The following LRPAP1 variants were observed in gnomAD, a reference collection of about 807,000 sequenced individuals.
LRPAP1 encodes the protein alpha-2-macroglobulin receptor-associated protein.
In LRPAP1, 41 loss-of-function variants were observed where a neutral mutation model predicts 39.9. That is an observed-to-expected ratio of 1.03 (90% CI 0.80 to 1.33). The LOEUF (loss-of-function observed/expected upper bound fraction) is 1.33, where lower values mean the gene tolerates loss of function less well. LRPAP1 is among the 40% of genes most tolerant of loss of function. The pLI is 0.00. For missense variants in LRPAP1, 565 were observed against 482.3 expected, an observed-to-expected ratio of 1.17 and a Z score of -1.61; for synonymous variants, 263 against 212.7, an observed-to-expected ratio of 1.24 and a Z score of -2.06.
rs544306338 is a variant in LRPAP1 at position 3,504,855 on chromosome 4, G to A, written c.*8119C>T. On this transcript the variant is annotated 3_prime_UTR_variant, in exon 8 of 8. Coordinates refer to ENST00000650182, the MANE Select transcript of LRPAP1 (RefSeq NM_002337.4). ...CCAGCTACTTGGGAGGCTGAGGCAG[G>A]GGAATCGCATGAACCTGGGAGGCAG... is the stretch of plus-strand genomic sequence containing the variant. Among the ~76,000 whole-genome samples the A allele has an allele frequency of 2.4e-4, 36 of 152,290 alleles. 1 individual carries two copies. Among genetic ancestry groups the A allele is most frequent in the African/African-American group, 7.9e-4 (33 of 41,538 alleles).
intron 3 of LRPAP1, 98 bp downstream of exon 3, chr4:3,519,974 G>T: frequency 7.0e-7 from 1 of 1,437,606 alleles, no homozygotes; most frequent in Non-Finnish European, 9.4e-7. Flanking sequence ...CCAAACCCCG[G>T]CTCCCATGCA....
At chr4:3,520,509 G>A (rs796942249) in intron 2 of LRPAP1, among the ~76,000 whole-genome samples, 46 of 152,310 alleles carry the variant, frequency 3.0e-4, no homozygotes, top group African/African-American at 1.1e-3. Flanking sequence ...CGCAGCTGTC[G>A]AAAGCAGCTG....
intron 1 of LRPAP1, among the ~76,000 whole-genome samples, chr4:3,525,602 G>A (rs1577210833): frequency 6.6e-6 from 1 of 152,146 alleles, no homozygotes; most frequent in East Asian, 1.9e-4. Flanking sequence ...GCAGGAATCT[G>A]TCACCCTCTC....
chr4:3,529,499 T>G (rs1334763591), intron 1 of LRPAP1, among the ~76,000 whole-genome samples: 3 of 152,148 alleles, frequency 2.0e-5, no homozygotes, highest in Non-Finnish European at 4.4e-5. Flanking sequence ...CACAGAGCTC[T>G]GAAGAGGCAG....
Position 3,520,191 on chromosome 4 carries a change from T to C in LRPAP1, c.352A>G (p.Ile118Val), listed in dbSNP as rs1431536790. The change falls in exon 3 of 8, where the codon ATC (isoleucine) becomes GTC (valine). Residue 118 changes from isoleucine to valine, a missense_variant and splice_region_variant. Coordinates refer to ENST00000650182, the MANE Select transcript of LRPAP1 (RefSeq NM_002337.4). ...EARLIRNLNV[I>V]LAKYGLDGKK... ...CCGTCCAGACCATACTTGGCCAAGATGACTAGGAGAGAGGGGAGGTTCTAT... is the reference window on the plus strand; with the variant it reads ...CCGTCCAGACCATACTTGGCCAAGACGACTAGGAGAGAGGGGAGGTTCTAT... The C allele has an allele frequency of 2.5e-6, 4 of 1,613,346 alleles. No individual in the cohort carries two copies. In the South Asian group the frequency reaches 4.4e-5, roughly 18 times the overall value.
At chr4:3,524,565 C>A (rs952843967) in intron 2 of LRPAP1, among the ~76,000 whole-genome samples, 1 of 152,192 alleles carries the variant, frequency 6.6e-6, no homozygotes, top group Non-Finnish European at 1.5e-5. Flanking sequence ...CGGAGGATAG[C>A]CCCCCGCAGG....
chr4:3,532,136 G>A, intron 1 of LRPAP1, 73 bp downstream of exon 1: 2 of 1,503,938 alleles, frequency 1.3e-6, no homozygotes, highest in Non-Finnish European at 1.8e-6. Flanking sequence ...CCGACCCCTG[G>A]GCCCCGCTCC....
At chr4:3,515,937 C>T (rs1211378890) in intron 6 of LRPAP1, 179 bp downstream of exon 6, 13 of 637,050 alleles carry the variant, frequency 2.0e-5, no homozygotes, top group Admixed American at 2.8e-5. Flanking sequence ...CCCTGAAACA[C>T]GAGTTCCCAC....
rs757871319 is a variant in LRPAP1, at chr4:3,529,683, A to AC, written c.204+2525dup. 2.5e-4 allele frequency among the ~76,000 whole-genome samples: 38 copies of AC among 151,612 alleles called. No individual in the cohort carries two copies. The East Asian group carries it at 6.4e-3, about 26-fold the overall frequency. On this transcript the variant is annotated intron_variant, in intron 1 of 7. Transcript: ENST00000650182. ...AAGTTGCTGGAGAGGATGAAGCAGCACCCCCCTGGCCGGGTCTCGCCTGAT... is the reference window on the plus strand; with the variant it reads ...AAGTTGCTGGAGAGGATGAAGCAGCACCCCCCCTGGCCGGGTCTCGCCTGAT...
chr4:3,507,879 G>A lies in LRPAP1; in HGVS notation c.*5095C>T, dbSNP rs1258410191. On this transcript the variant is annotated 3_prime_UTR_variant, in exon 8 of 8. Coordinates refer to ENST00000650182, the MANE Select transcript of LRPAP1 (RefSeq NM_002337.4). Reference sequence around the variant, plus strand: ...CACAAATGGCCCAGAGCAGGAATGAGAATGGACATCACTGCACAGAGGATA... The same window carrying A: ...CACAAATGGCCCAGAGCAGGAATGAAAATGGACATCACTGCACAGAGGATA... 2.6e-5 allele frequency: 4 copies of A among 152,234 alleles called. No individual in the cohort carries two copies. The East Asian group carries it at 7.7e-4, about 29-fold the overall frequency. 9.4% of individuals were successfully genotyped at this position (152,234 alleles called of 1,614,324 possible).
chr4:3,523,910 G>A (rs1577209789), intron 2 of LRPAP1, among the ~76,000 whole-genome samples: 1 of 152,076 alleles, frequency 6.6e-6, no homozygotes, highest in South Asian at 2.1e-4. Flanking sequence ...GAGACAGGAG[G>A]AGGAAACGGA....
rs1206222042 is a variant in LRPAP1 at position 3,505,161 on chromosome 4, G to A, written c.*7813C>T. On this transcript the variant is annotated 3_prime_UTR_variant, in exon 8 of 8. Coordinates refer to ENST00000650182, the MANE Select transcript of LRPAP1 (RefSeq NM_002337.4). Reference sequence around the variant, plus strand: ...TGGCTAAGCTGCAGGTTGTGCCTGAGCTCACGGACACGAGGAAGAAGGGCG... The same window carrying A: ...TGGCTAAGCTGCAGGTTGTGCCTGAACTCACGGACACGAGGAAGAAGGGCG... 6.6e-6 allele frequency among the ~76,000 whole-genome samples: 1 copy of A among 152,178 alleles called. No individual in the cohort carries two copies. Among genetic ancestry groups the A allele is most frequent in the Non-Finnish European group, 1.5e-5 (1 of 68,036 alleles).
Position 3,532,272 on chromosome 4 carries a change from T to C in LRPAP1, c.141A>G (p.Lys47=), listed in dbSNP as rs1352961190. 2 of 1,556,838 alleles carry C rather than the reference T, an allele frequency of 1.3e-6. No individual in the cohort carries two copies. The highest frequency in any genetic ancestry group is 1.7e-6 in the Non-Finnish European group (2 of 1,149,834). The part of the protein sequence containing the change: ...REKNQPKPSP[K]RESGEEFRME... ...TGCGGAACTCCTCTCCGGACTCGCG[T>C]TTCGGGGACGGCTTGGGCTGGTTCT... Residue 47 remains lysine, a synonymous_variant, in exon 1 of 8, where the codon AAA becomes AAG. Coordinates refer to ENST00000650182, the MANE Select transcript of LRPAP1 (RefSeq NM_002337.4).
In LRPAP1 at chr4:3,524,949, C is replaced by T. The variant is rs746310452; in HGVS notation, c.307G>A (p.Glu103Lys). 5.2e-5 allele frequency: 84 copies of T among 1,614,108 alleles called. No individual in the cohort carries two copies. The highest frequency in any genetic ancestry group is 1.6e-4 in the Middle Eastern group (1 of 6,084). The change falls in exon 2 of 8, where the codon GAA becomes AAA. Residue 103 changes from glutamate (E) to lysine (K), a missense_variant. By Grantham distance (56) the Glu-to-Lys change is moderately conservative. Transcript: ENST00000650182. ...WKKLKLDGLDEDGEKEARLIR... is the reference protein window; with the variant it reads ...WKKLKLDGLDKDGEKEARLIR... ...AGTCTCGCTTCCTTCTCCCCATCTT[C>T]GTCCAAGCCGTCAAGCTTTAGTTTC...
chr4:3,527,425 C>CAGG (rs1227043996), intron 1 of LRPAP1, among the ~76,000 whole-genome samples: 1 of 151,496 alleles, frequency 6.6e-6, no homozygotes, highest in African/African-American at 2.4e-5. Context: ...GTCGGTGCCT[C>CAGG]AGGAGGAGGG....
chr4:3,523,668 G>C (rs369930215), intron 2 of LRPAP1, among the ~76,000 whole-genome samples: 167 of 152,334 alleles, frequency 1.1e-3, no homozygotes, highest in Middle Eastern at 0.01. Context: ...GTAGGTGTTA[G>C]AGCATCAGGC....
At chr4:3,513,173 C>A in intron 7 of LRPAP1, 137 bp from the exon 8 acceptor site, 1 of 646,402 alleles carries the variant, frequency 1.5e-6, no homozygotes, top group South Asian at 1.9e-5. Context: ...CAATTCCACA[C>A]CCATCCAGAA....
intron 1 of LRPAP1, among the ~76,000 whole-genome samples, chr4:3,526,095 A>G (rs1039278698): frequency 3.5e-4 from 53 of 152,346 alleles, no homozygotes; most frequent in Non-Finnish European, 7.2e-4. Flanking sequence ...GTCCCTGGCT[A>G]ACTGGGGAGG....
rs1197898721 is a variant in LRPAP1, at chr4:3,523,482, CAT to C, written c.349+1423_349+1424del. Among the ~76,000 whole-genome samples, 7 of 152,222 alleles carry C rather than the reference CAT, an allele frequency of 4.6e-5. No homozygotes were observed. In the East Asian group the frequency reaches 9.7e-4, roughly 21 times the overall value. On this transcript the variant is annotated intron_variant, in intron 2 of 7. Transcript: ENST00000650182. ...TCTGTCTTTAACCCGGGCGCAGCCA[CAT>C]GACATGTCTGCTGATGCCTGCCAAT...
Sources: gnomAD v4.1 joint callset for allele counts (sites outside exome capture counted in the v4.1 genomes callset) on GRCh38, gnomAD v4.1.1 for gene constraint, MANE v1.5 for transcripts, NCBI Gene and HGNC (gene_info 2026-07-23, HGNC 2026-07-21) for gene names.